Variants in UBE3A observed in about 807,000 individuals in gnomAD.
The protein encoded by UBE3A is ubiquitin protein ligase E3A, also known as ubiquitin-protein ligase E3A.
UBE3A carries 6 observed loss-of-function variants against 83.4 expected under a neutral mutation model. The observed-to-expected ratio is 0.07, with a 90% CI of 0.04 to 0.14. The LOEUF is 0.14. Ranked by LOEUF, UBE3A falls within the 10% of genes least tolerant of loss-of-function variation. UBE3A has a pLI of 1.00. For synonymous variants in UBE3A, 337 were observed against 355.4 expected (o/e 0.95, Z 0.58); for missense variants, 456 against 1,036.1 (o/e 0.44, Z 7.69).
chr15:25,364,407 CAAAT>C (rs1373347129), intron 6 of UBE3A, among the ~76,000 whole-genome samples: 6 of 152,060 alleles, frequency 3.9e-5, no homozygotes, highest in East Asian at 3.9e-4. Flanking sequence ...AAAGATTTAA[CAAAT>C]AAACTGTAAA....
At chr15:25,404,362 C>G (rs1321988856) in intron 4 of UBE3A, among the ~76,000 whole-genome samples, 1 of 152,084 alleles carries the variant, frequency 6.6e-6, no homozygotes, top group Non-Finnish European at 1.5e-5. Flanking sequence ...ATCACTATAT[C>G]TGCATTTTTC....
intron 7 of UBE3A, among the ~76,000 whole-genome samples, chr15:25,359,608 T>C (rs1020235404): frequency 5.3e-5 from 8 of 152,270 alleles, no homozygotes; most frequent in African/African-American, 1.9e-4. Flanking sequence ...AACCTTTTCC[T>C]GTAATTGTCA....
At chr15:25,434,995 C>T (rs868420750) in intron 1 of UBE3A, among the ~76,000 whole-genome samples, 37 of 150,882 alleles carry the variant, frequency 2.5e-4, no homozygotes, top group Middle Eastern at 3.5e-3. Flanking sequence ...CACACACACA[C>T]ACACACACAC....
At chr15:25,352,104 A>G (rs920044475) in intron 11 of UBE3A, among the ~76,000 whole-genome samples, 6 of 152,196 alleles carry the variant, frequency 3.9e-5, no homozygotes, top group Non-Finnish European at 7.3e-5. Context: ...CTGAGGCAGG[A>G]GAATCACTTG....
chr15:25,365,451 G>C (rs1434802000), intron 6 of UBE3A, among the ~76,000 whole-genome samples: 1 of 151,952 alleles, frequency 6.6e-6, no homozygotes. Context: ...GGATTTCTAA[G>C]AAAGGCTAGC....
intron 4 of UBE3A, among the ~76,000 whole-genome samples, chr15:25,398,530 T>G (rs2086138187): frequency 6.6e-6 from 1 of 151,808 alleles, no homozygotes; most frequent in African/African-American, 2.4e-5. Context: ...TTAAGAGAGA[T>G]GTAGTATTTG....
intron 9 of UBE3A, among the ~76,000 whole-genome samples, chr15:25,354,998 T>C (rs2077030849): frequency 6.6e-6 from 1 of 152,188 alleles, no homozygotes; most frequent in Non-Finnish European, 1.5e-5. Context: ...AAAGGCCATA[T>C]ACACAAAACT....
intron 4 of UBE3A, among the ~76,000 whole-genome samples, chr15:25,399,980 T>C (rs1780296058): frequency 6.6e-6 from 1 of 152,190 alleles, no homozygotes; most frequent in Non-Finnish European, 1.5e-5. Context: ...TTTTCACTCA[T>C]GACAGCTTTG....
At chr15:25,402,086 G>T (rs147343596) in intron 4 of UBE3A, among the ~76,000 whole-genome samples, 3 of 152,098 alleles carry the variant, frequency 2.0e-5, no homozygotes, top group Non-Finnish European at 4.4e-5. Flanking sequence ...CCTTTGACTG[G>T]TGTCACGTTT....
At chr15:25,398,771 T>TTATTTATATATATATATATA (rs1393685515) in intron 4 of UBE3A, among the ~76,000 whole-genome samples, 2 of 68,930 alleles carry the variant, frequency 2.9e-5, no homozygotes, top group Non-Finnish European at 6.4e-5. Context: ...ATTCTTTTAT[T>TTATTTATATATATATATATA]TATATATATA....
chr15:25,407,626 G>A (rs1425373039), intron 3 of UBE3A: 2 of 152,114 alleles, frequency 1.3e-5, no homozygotes, highest in African/African-American at 4.8e-5. Context: ...ATTAAAGTAG[G>A]CTATTAAAAA....
At chr15:25,398,771 T>TTATATATATATATA (rs1159969391) in intron 4 of UBE3A, among the ~76,000 whole-genome samples, 52 of 68,904 alleles carry the variant, frequency 7.5e-4, no homozygotes, top group African/African-American at 1.7e-3. Context: ...ATTCTTTTAT[T>TTATATATATATATA]TATATATATA....
chr15:25,398,167 CAAAAAAAA>C (rs71127052), intron 4 of UBE3A, among the ~76,000 whole-genome samples: 1 of 99,210 alleles, frequency 1.0e-5, no homozygotes, highest in Non-Finnish European at 1.8e-5. Context: ...GACTCTGTCT[CAAAAAAAA>C]AAAAAAAAAA....
chr15:25,348,506 A>AAAT (rs2076046502), intron 11 of UBE3A, among the ~76,000 whole-genome samples: 1 of 152,192 alleles, frequency 6.6e-6, no homozygotes, highest in Admixed American at 6.5e-5. Flanking sequence ...GAACAGTAAT[A>AAAT]AATAACATAA....
rs150406321 is a variant in UBE3A at position 25,361,984 on chromosome 15, G to T, written c.1609-1457C>A. On this transcript the variant is annotated intron_variant, in intron 6 of 12. Transcript: ENST00000648336. Reference sequence around the variant, plus strand: ...TCAGGTCAGGTTGCCCGAGAGCATTGTTTTTTCAAACTTGTCACCTGCAAC... The same window carrying T: ...TCAGGTCAGGTTGCCCGAGAGCATTTTTTTTTCAAACTTGTCACCTGCAAC... 2.6e-5 allele frequency among the ~76,000 whole-genome samples: 4 copies of T among 152,238 alleles called. No individual in the cohort carries two copies. The East Asian group carries it at 5.8e-4, about 22-fold the overall frequency.
Position 25,356,716 on chromosome 15 carries a change from A to T in UBE3A, c.1934T>A (p.Phe645Tyr). The change falls in exon 8 of 13, where the codon TTT becomes TAT. Residue 645 changes from phenylalanine to tyrosine, a missense_variant. Phe to Tyr is a conservative substitution (Grantham distance 22, BLOSUM62 3). Coordinates refer to ENST00000648336, the MANE Select transcript of UBE3A (RefSeq NM_130839.5). ...YRKLMGKKGT[F>Y]RDLGDSHPVL... ...TGGGTGAGAGTCTCCCAAGTCACGA[A>T]AAGTTCCTTTTTTCCCCATTAGCTT... is the stretch of plus-strand genomic sequence containing the variant. The T allele has an allele frequency of 1.2e-6, 2 of 1,613,452 alleles. No individual in the cohort carries two copies. Among genetic ancestry groups the T allele is most frequent in the Non-Finnish European group, 1.7e-6 (2 of 1,179,880 alleles).
intron 1 of UBE3A, among the ~76,000 whole-genome samples, chr15:25,435,324 G>T (rs970320648): frequency 6.6e-6 from 1 of 151,898 alleles, no homozygotes; most frequent in Non-Finnish European, 1.5e-5. Flanking sequence ...TGTCTTTGTG[G>T]GTCCTGTACT....
At chr15:25,393,312 T>G (rs1053200635) in intron 4 of UBE3A, among the ~76,000 whole-genome samples, 8 of 152,178 alleles carry the variant, frequency 5.3e-5, no homozygotes, top group Non-Finnish European at 1.5e-5. Context: ...TGCTACAAGC[T>G]GAGATGTTAG....
At chr15:25,365,878 C>T (rs2079021543) in intron 6 of UBE3A, among the ~76,000 whole-genome samples, 1 of 152,068 alleles carries the variant, frequency 6.6e-6, no homozygotes, top group East Asian at 1.9e-4. Flanking sequence ...ACGATAAACA[C>T]ATGAAGAAAA....
Sources: gnomAD v4.1 joint callset for allele counts (sites outside exome capture counted in the v4.1 genomes callset) on GRCh38, gnomAD v4.1.1 for gene constraint, MANE v1.5 for transcripts, NCBI Gene and HGNC (gene_info 2026-07-23, HGNC 2026-07-21) for gene names.